The following FHAD1 variants were observed in gnomAD, a reference collection of about 807,000 sequenced individuals.
FHAD1 encodes the protein forkhead-associated domain-containing protein 1.
In FHAD1, 146 loss-of-function variants were observed where a neutral mutation model predicts 191.3. That is an observed-to-expected ratio of 0.76 (90% CI 0.67 to 0.88). The LOEUF (loss-of-function observed/expected upper bound fraction) is 0.88, where lower values mean the gene tolerates loss of function less well. FHAD1 is among the 40% of genes least tolerant of loss of function. The pLI, the probability that FHAD1 is intolerant of heterozygous loss-of-function variation, is 0.00. For missense variants in FHAD1, 1,635 were observed against 1,785.8 expected (o/e 0.92, Z 1.52); for synonymous variants, 616 against 672.3 (o/e 0.92, Z 1.29).
chr1:15,345,596 C>T (rs531280884), intron 18 of FHAD1, 73 bp downstream of exon 18: 5 of 1,199,864 alleles, frequency 4.2e-6, no homozygotes, highest in African/African-American at 1.5e-5. Context: ...TTCAGAGCGG[C>T]GATGATGGGG....
rs1009284011 is a variant in FHAD1 at position 15,298,576 on chromosome 1, A to G, written c.678+1783A>G. Among the ~76,000 whole-genome samples the G allele has an allele frequency of 2.6e-5, 4 of 152,168 alleles. No homozygotes were observed. In the East Asian group the frequency reaches 7.7e-4, roughly 29 times the overall value. ...GTGGCCTCTGGGTTTCCAGAGGGCC[A>G]GGACAGAAGCTGTACAGCCTCTTAA... On this transcript the variant is annotated intron_variant, in intron 5 of 33. Transcript: ENST00000688493.
At chr1:15,360,387 T>C (rs1694399990) in intron 21 of FHAD1, 91 bp from the exon 22 acceptor site, 1 of 1,167,980 alleles carries the variant, frequency 8.6e-7, no homozygotes, top group Non-Finnish European at 1.2e-6. Context: ...TGGGGCCCAG[T>C]TTAGCACCTA....
At chr1:15,307,106 A>G (rs1234656476) in intron 6 of FHAD1, among the ~76,000 whole-genome samples, 3 of 152,228 alleles carry the variant, frequency 2.0e-5, no homozygotes, top group Non-Finnish European at 4.4e-5. Flanking sequence ...TACCTCTTGC[A>G]TCAGCGTAAT....
At chr1:15,347,870 A>G (rs1181657559) in intron 18 of FHAD1, among the ~76,000 whole-genome samples, 5 of 152,210 alleles carry the variant, frequency 3.3e-5, no homozygotes, top group African/African-American at 9.6e-5. Flanking sequence ...TCTGTTGTGA[A>G]CTTGGAAGCA....
At chr1:15,386,123 G>A (rs533101146) in intron 31 of FHAD1, among the ~76,000 whole-genome samples, 1 of 152,284 alleles carries the variant, frequency 6.6e-6, no homozygotes, top group Non-Finnish European at 1.5e-5. Flanking sequence ...TACCTCTGTC[G>A]CAGGTTTCTC....
chr1:15,380,515 T>C (rs1162269134), intron 28 of FHAD1, among the ~76,000 whole-genome samples, 186 bp from the exon 29 acceptor site: 1 of 152,208 alleles, frequency 6.6e-6, no homozygotes, highest in Admixed American at 6.5e-5. Context: ...AGAGTCATTC[T>C]CTGAAGGGTG....
intron 2 of FHAD1, among the ~76,000 whole-genome samples, chr1:15,269,914 TC>T (rs1655169709): frequency 8.0e-6 from 1 of 124,320 alleles, no homozygotes; most frequent in Non-Finnish European, 1.7e-5. Flanking sequence ...TTTATGGCTC[TC>T]TTTTTTTTTT....
chr1:15,382,748 G>A (rs558315917), intron 31 of FHAD1, among the ~76,000 whole-genome samples: 86 of 152,352 alleles, frequency 5.6e-4, no homozygotes, highest in African/African-American at 1.9e-3. Context: ...TGCAGTCCAG[G>A]AAGGGCACTC....
intron 11 of FHAD1, 92 bp downstream of exon 11, chr1:15,324,651 G>T (rs552275607): frequency 6.8e-6 from 6 of 884,460 alleles, no homozygotes; most frequent in Non-Finnish European, 1.1e-5. Flanking sequence ...GGACGCCCAA[G>T]GTAGAAAGAC....
chr1:15,306,335 CA>C (rs370943153), intron 6 of FHAD1, among the ~76,000 whole-genome samples: 248 of 152,236 alleles, frequency 1.6e-3, no homozygotes, highest in African/African-American at 5.6e-3. Flanking sequence ...AAAAGGGAAA[CA>C]GCATAAATTC....
At chr1:15,247,202 G>GC (rs1308020167), upstream of FHAD1, 1 of 145,068 alleles carries the variant, frequency 6.9e-6, no homozygotes, top group Non-Finnish European at 1.6e-5. Context: ...TATTAGGCTG[G>GC]ACCCCGCGGC....
intron 16 of FHAD1, among the ~76,000 whole-genome samples, chr1:15,342,152 G>A (rs1413375429): frequency 3.3e-5 from 5 of 152,182 alleles, no homozygotes; most frequent in Admixed American, 6.5e-5. Flanking sequence ...TATTGCAGTC[G>A]GCTTTATGAG....
Position 15,329,341 on chromosome 1 carries a change from T to C in FHAD1, c.1711-5T>C. ...TGGGCTCCTCATGATCTCACCTCTT[T>C]GCAGGCTTGCATGAAAATATCCTGT... is the stretch of plus-strand genomic sequence containing the variant. On this transcript the variant is annotated splice_region_variant and splice_polypyrimidine_tract_variant and intron_variant, in intron 13 of 33. Transcript: ENST00000688493. This position sits in a 1 kb window ranked among gnomAD's most constrained non-coding sequence, Gnocchi z 5.0. 1.9e-6 allele frequency: 3 copies of C among 1,539,118 alleles called. No homozygotes were observed. The South Asian group carries it at 3.6e-5, about 18-fold the overall frequency.
chr1:15,394,707 C>T (rs188125397), intron 33 of FHAD1, among the ~76,000 whole-genome samples: 9 of 152,216 alleles, frequency 5.9e-5, no homozygotes, highest in African/African-American at 1.7e-4. Context: ...AAGGCAGGAT[C>T]GATATTCATC....
At chr1:15,354,276 A>C (rs1047002841) in intron 20 of FHAD1, among the ~76,000 whole-genome samples, 2 of 152,218 alleles carry the variant, frequency 1.3e-5, no homozygotes, top group Non-Finnish European at 2.9e-5. Context: ...TGCATGTTTC[A>C]TAAGCAGCCC....
rs1013629627 is a variant in FHAD1, at chr1:15,380,875, A to G, written c.3801+79A>G. ...GTCAGTGTTGAACGCAGGATAGTTT[A>G]AATATCAACCTCACATGCCTATTTA... On this transcript the variant is annotated intron_variant, in intron 29 of 33. Transcript: ENST00000688493. 7.4e-5 allele frequency: 75 copies of G among 1,014,414 alleles called. 1 individual carries two copies. The highest frequency in any genetic ancestry group is 5.8e-4 in the South Asian group (41 of 70,212). The allele number at this position is 1,014,414 out of a possible 1,614,324, so 62.8% of individuals were successfully genotyped here.
chr1:15,337,186 G>A (rs1432661369), intron 14 of FHAD1, among the ~76,000 whole-genome samples: 1 of 152,144 alleles, frequency 6.6e-6, no homozygotes, highest in Non-Finnish European at 1.5e-5. Flanking sequence ...GGGCTGGGCT[G>A]GGCCGGCATT....
chr1:15,287,368 G>A (rs777146757), intron 3 of FHAD1, among the ~76,000 whole-genome samples: 6 of 152,124 alleles, frequency 3.9e-5, no homozygotes, highest in East Asian at 3.9e-4. Flanking sequence ...ATTTAAAAAC[G>A]AACAGGTTTA....
intron 2 of FHAD1, among the ~76,000 whole-genome samples, chr1:15,262,377 G>T (rs1171708511): frequency 1.3e-5 from 2 of 152,138 alleles, no homozygotes; most frequent in Admixed American, 1.3e-4. Context: ...TATTATCTCT[G>T]TTTACAGATG....
Sources: allele counts gnomAD v4.1 joint callset (sites outside exome capture counted in the v4.1 genomes callset), GRCh38; gene constraint gnomAD v4.1.1; non-coding constraint Gnocchi (gnomAD v3.1); transcripts MANE v1.5; gene names NCBI Gene and HGNC (gene_info 2026-07-23, HGNC 2026-07-21).